WWOX: variants seen among roughly 807,000 people sequenced by gnomAD.
The protein encoded by WWOX is WW domain-containing oxidoreductase.
In WWOX, 69 loss-of-function variants were observed where a neutral mutation model predicts 46.2. The observed-to-expected ratio is 1.49, with a 90% CI of 1.23 to 1.82. The LOEUF (loss-of-function observed/expected upper bound fraction) is 1.82. Among genes scored for constraint, WWOX ranks in the 40% most tolerant of loss-of-function variants. The pLI is 0.00. For missense variants in WWOX, 919 were observed against 542.6 expected (o/e 1.69, Z -6.89); for synonymous variants, 359 against 202.6 (o/e 1.77, Z -6.56).
intron 8 of WWOX, among the ~76,000 whole-genome samples, chr16:78,842,883 G>T (rs1008773905): frequency 1.3e-5 from 2 of 149,678 alleles, no homozygotes; most frequent in East Asian, 2.0e-4. Context: ...TACAAGGGGG[G>T]ATAAAGATAG....
At chr16:78,631,662 C>A (rs902688497) in intron 8 of WWOX, among the ~76,000 whole-genome samples, 4 of 151,846 alleles carry the variant, frequency 2.6e-5, no homozygotes, top group Admixed American at 6.6e-5. Context: ...CCTCAGCCCT[C>A]CAAGTAGGGC....
intron 6 of WWOX, among the ~76,000 whole-genome samples, chr16:78,410,540 T>A (rs1597188239): frequency 6.6e-6 from 1 of 152,090 alleles, no homozygotes; most frequent in Non-Finnish European, 1.5e-5. Flanking sequence ...CTGGGCATGG[T>A]GGCTCACTCC....
At chr16:78,141,064 G>T (rs1383085504) in intron 4 of WWOX, among the ~76,000 whole-genome samples, 3 of 152,118 alleles carry the variant, frequency 2.0e-5, no homozygotes, top group Admixed American at 6.5e-5. Flanking sequence ...TTGTTCTTTT[G>T]CCTCGTTATC....
chr16:79,185,955 TGTGTGTGCATGC>T (rs1251845428), intron 8 of WWOX, among the ~76,000 whole-genome samples: 1 of 151,656 alleles, frequency 6.6e-6, no homozygotes, highest in Non-Finnish European at 1.5e-5. Flanking sequence ...TGTGTGTGTG[TGTGTGTGCATGC>T]GTGTGTGTGT....
intron 8 of WWOX, among the ~76,000 whole-genome samples, chr16:78,953,749 C>G (rs1482718139): frequency 6.6e-6 from 1 of 152,194 alleles, no homozygotes; most frequent in Non-Finnish European, 1.5e-5. Context: ...GCTCTCATCA[C>G]CTGGTTTCAA....
chr16:78,229,114 T>C (rs1039912893), intron 5 of WWOX, among the ~76,000 whole-genome samples: 1 of 152,154 alleles, frequency 6.6e-6, no homozygotes, highest in African/African-American at 2.4e-5. Context: ...CAGCATGTGA[T>C]CATACATCTA....
intron 8 of WWOX, among the ~76,000 whole-genome samples, chr16:78,984,613 C>G (rs957418873): frequency 6.6e-6 from 1 of 152,194 alleles, no homozygotes; most frequent in African/African-American, 2.4e-5. Flanking sequence ...TACTTCTACT[C>G]AAGTAAGTCA....
At chr16:78,570,871 G>T (rs570552036) in intron 8 of WWOX, among the ~76,000 whole-genome samples, 1 of 152,314 alleles carries the variant, frequency 6.6e-6, no homozygotes, top group Admixed American at 6.5e-5. Flanking sequence ...GCACGGGCAG[G>T]TAAGGACAGG....
chr16:79,193,254 G>A (rs1188311978), intron 8 of WWOX, among the ~76,000 whole-genome samples: 1 of 152,100 alleles, frequency 6.6e-6, no homozygotes, highest in Non-Finnish European at 1.5e-5. Context: ...TACCCTTGGG[G>A]GCCCTGTAAA....
At position 78,299,761 on chromosome 16, in the gene WWOX, T is replaced by C. The variant is rs1205579432; in HGVS notation, c.517-87099T>C. 2.0e-5 allele frequency among the ~76,000 whole-genome samples: 3 copies of C among 152,110 alleles called. No individual in the cohort carries two copies. The East Asian group carries it at 5.8e-4, about 29-fold the overall frequency. On this transcript the variant is annotated intron_variant, in intron 5 of 8. Transcript: ENST00000566780. ...CCAGGCTGTTCTCGAACTCCTGGGCTCAAGTGTTGTGCCCTGTTTGGCCTC... is the reference window on the plus strand; with the variant it reads ...CCAGGCTGTTCTCGAACTCCTGGGCCCAAGTGTTGTGCCCTGTTTGGCCTC...
At chr16:78,131,975 C>A (rs980037824) in intron 4 of WWOX, among the ~76,000 whole-genome samples, 24 of 150,258 alleles carry the variant, frequency 1.6e-4, no homozygotes, top group Non-Finnish European at 1.6e-4. Flanking sequence ...GAATGACACT[C>A]TCATTAAGTC....
rs372635911 is a variant in WWOX at position 79,211,721 on chromosome 16, C to G, written c.1170C>G (p.Ser390Arg). The G allele has an allele frequency of 5.9e-5, 96 of 1,614,068 alleles. No individual in the cohort carries two copies. Among genetic ancestry groups the G allele is most frequent in the Non-Finnish European group, 7.1e-5 (84 of 1,180,034 alleles). ...CRCMPSPEAQ[S>R]EETARTLWAL... ...GCATGCCCTCACCAGAAGCTCAGAG[C>G]GAAGAGACGGCCCGGACCCTGTGGG... Residue 390 changes from serine (S) to arginine (R), a missense_variant, in exon 9 of 9, where the codon AGC becomes AGG. Physicochemically the swap from Ser to Arg is moderately radical, Grantham distance 110. Transcript: ENST00000566780.
At chr16:78,806,592 TC>T (rs1163983055) in intron 8 of WWOX, among the ~76,000 whole-genome samples, 1 of 152,068 alleles carries the variant, frequency 6.6e-6, no homozygotes, top group Admixed American at 6.6e-5. Context: ...ACACATTGTC[TC>T]CATGTACCCT....
chr16:78,140,009 T>C (rs1386308950), intron 4 of WWOX, among the ~76,000 whole-genome samples: 1 of 152,124 alleles, frequency 6.6e-6, no homozygotes, highest in African/African-American at 2.4e-5. Context: ...GGTTTGCACA[T>C]GTGCAAGTGC....
chr16:78,619,550 C>G (rs2046125403), intron 8 of WWOX, among the ~76,000 whole-genome samples: 3 of 151,814 alleles, frequency 2.0e-5, no homozygotes, highest in East Asian at 3.9e-4. Flanking sequence ...CACTTCTAAT[C>G]TCAATTTTAT....
chr16:78,238,148 A>G (rs1442503890), intron 5 of WWOX: 1 of 152,188 alleles, frequency 6.6e-6, no homozygotes, highest in African/African-American at 2.4e-5. Flanking sequence ...GGAAATATCC[A>G]TGTACAGTCC....
intron 8 of WWOX, among the ~76,000 whole-genome samples, chr16:78,484,764 C>G (rs1309578438): frequency 6.6e-6 from 1 of 151,960 alleles, no homozygotes; most frequent in African/African-American, 2.4e-5. Context: ...TTGTGTCAGC[C>G]TGAAAGAAGT....
At chr16:78,573,484 T>C (rs749912436) in intron 8 of WWOX, among the ~76,000 whole-genome samples, 3 of 152,212 alleles carry the variant, frequency 2.0e-5, no homozygotes, top group Admixed American at 6.5e-5. Flanking sequence ...CCATTCTATA[T>C]GTCAGATGCA....
chr16:78,196,105 C>G (rs369668040), intron 5 of WWOX, among the ~76,000 whole-genome samples: 1 of 152,110 alleles, frequency 6.6e-6, no homozygotes, highest in African/African-American at 2.4e-5. Context: ...TGCAGATGAT[C>G]AAGTGGAATT....
Sources: gnomAD v4.1 joint callset for allele counts (sites outside exome capture counted in the v4.1 genomes callset) on GRCh38, gnomAD v4.1.1 for gene constraint, MANE v1.5 for transcripts, NCBI Gene and HGNC (gene_info 2026-07-23, HGNC 2026-07-21) for gene names.